The following AKAP7 variants were observed in gnomAD, a reference collection of about 807,000 sequenced individuals.
AKAP7 encodes the protein A-kinase anchoring protein 7.
In AKAP7, 39 loss-of-function variants were observed where a neutral mutation model predicts 39.5. That is an observed-to-expected ratio of 0.99 (90% CI 0.76 to 1.29). The LOEUF is 1.29. Ranked by LOEUF, AKAP7 falls within the 50% of genes most tolerant of loss-of-function variation. The probability of loss-of-function intolerance (pLI) is 0.00; values close to 1 mark genes in which losing one functional copy is unlikely to be tolerated. For synonymous variants in AKAP7, 140 were observed against 139.1 expected, an observed-to-expected ratio of 1.01 and a Z score of -0.05; for missense variants, 414 against 407.7, an observed-to-expected ratio of 1.02 and a Z score of -0.13.
intron 7 of AKAP7, among the ~76,000 whole-genome samples, chr6:131,241,144 A>G (rs1411307447): frequency 3.9e-5 from 6 of 152,216 alleles, no homozygotes; most frequent in African/African-American, 1.4e-4. Context: ...TGTATTTAAG[A>G]AAAGACACTC....
chr6:131,196,120 G>A (rs1806902328), intron 5 of AKAP7, among the ~76,000 whole-genome samples: 1 of 151,908 alleles, frequency 6.6e-6, no homozygotes, highest in African/African-American at 2.4e-5. Context: ...TCTTGTAGGT[G>A]GGCTTCATTG....
At chr6:131,270,428 T>C (rs1814172957) in intron 7 of AKAP7, among the ~76,000 whole-genome samples, 1 of 152,222 alleles carries the variant, frequency 6.6e-6, no homozygotes, top group Admixed American at 6.5e-5. Flanking sequence ...TACTAATCCA[T>C]TGCATGGATT....
At chr6:131,207,222 G>T (rs533869900) in intron 6 of AKAP7, among the ~76,000 whole-genome samples, 1 of 151,984 alleles carries the variant, frequency 6.6e-6, no homozygotes, top group East Asian at 1.9e-4. Context: ...TTCAAGTACT[G>T]ATAGGAAGAT....
chr6:131,267,389 C>T (rs148599637), intron 7 of AKAP7, among the ~76,000 whole-genome samples: 4 of 152,138 alleles, frequency 2.6e-5, no homozygotes, highest in African/African-American at 4.8e-5. Flanking sequence ...TTCTGAAAGT[C>T]GAATTTTCTT....
chr6:131,249,360 C>G (rs1005541239), intron 7 of AKAP7, among the ~76,000 whole-genome samples: 1 of 151,824 alleles, frequency 6.6e-6, no homozygotes, highest in Non-Finnish European at 1.5e-5. Context: ...TTTTTTAATG[C>G]GACAAATATA....
the AKAP7 span, among the ~76,000 whole-genome samples, chr6:131,130,336 T>G: frequency 2.0e-5 from 3 of 152,276 alleles, no homozygotes; most frequent in South Asian, 6.2e-4. Flanking sequence ...GGAGTTTCAC[T>G]CTTGTTGCCC....
intron 6 of AKAP7, among the ~76,000 whole-genome samples, chr6:131,208,764 T>C (rs1808364430): frequency 1.3e-5 from 2 of 152,296 alleles, no homozygotes; most frequent in South Asian, 2.1e-4. Flanking sequence ...TTTCCCCCCA[T>C]GTTAATGGAT....
chr6:131,166,417 C>G (rs1046408056), intron 4 of AKAP7, among the ~76,000 whole-genome samples: 2 of 152,142 alleles, frequency 1.3e-5, no homozygotes, highest in Non-Finnish European at 2.9e-5. Context: ...CCAATAGGAG[C>G]GTATCTATGT....
chr6:131,207,490 A>ATTTTTTTTTTTTTTT (rs1562213736), intron 6 of AKAP7, among the ~76,000 whole-genome samples: 1 of 80,892 alleles, frequency 1.2e-5, no homozygotes, highest in East Asian at 2.8e-4. Context: ...GGCTAATTAA[A>ATTTTTTTTTTTTTTT]ATTTTTTTTT....
chr6:131,191,564 T>G (rs1806404741), intron 5 of AKAP7, among the ~76,000 whole-genome samples: 2 of 152,154 alleles, frequency 1.3e-5, no homozygotes, highest in African/African-American at 4.8e-5. Context: ...AAGGAAAATA[T>G]GATCTTGGTC....
intron 5 of AKAP7, among the ~76,000 whole-genome samples, chr6:131,186,185 A>G: frequency 6.6e-6 from 1 of 152,088 alleles, no homozygotes; most frequent in East Asian, 1.9e-4. Context: ...TCTTGGTACC[A>G]TCCTCATGCT....
At chr6:131,168,547 G>A (rs1364887765) in intron 4 of AKAP7, among the ~76,000 whole-genome samples, 1 of 152,170 alleles carries the variant, frequency 6.6e-6, no homozygotes, top group Non-Finnish European at 1.5e-5. Context: ...AATAGCTAAA[G>A]TATATATGGC....
intron 5 of AKAP7, among the ~76,000 whole-genome samples, chr6:131,180,219 A>C (rs570450028): frequency 6.6e-6 from 1 of 152,336 alleles, no homozygotes; most frequent in African/African-American, 2.4e-5. Flanking sequence ...GTTTTGGGAA[A>C]AGAGGTGTCC....
chr6:131,161,068 C>T (rs1255879742), intron 3 of AKAP7, among the ~76,000 whole-genome samples: 2 of 152,116 alleles, frequency 1.3e-5, no homozygotes, highest in African/African-American at 4.8e-5. Flanking sequence ...TTCCACATTG[C>T]CTTTCCCCTT....
intron 4 of AKAP7, among the ~76,000 whole-genome samples, chr6:131,165,562 C>G (rs1301568186): frequency 1.3e-5 from 2 of 152,002 alleles, no homozygotes; most frequent in East Asian, 1.9e-4. Flanking sequence ...TTGGGCAAAT[C>G]ATGTACTTTC....
intron 5 of AKAP7, among the ~76,000 whole-genome samples, chr6:131,195,266 T>G (rs181320625): frequency 6.6e-6 from 1 of 152,276 alleles, no homozygotes; most frequent in East Asian, 1.9e-4. Context: ...TTTAAAGTGA[T>G]GACAACTTAA....
Position 131,281,561 on chromosome 6 carries a change from T to C in AKAP7, c.882T>C (p.Ala294=). The C allele has an allele frequency of 1.2e-6, 2 of 1,611,862 alleles. No homozygotes were observed. The highest frequency in any genetic ancestry group is 2.2e-5 in the East Asian group (1 of 44,702). ...AGAACGGAGGGGAGCCCGATGACGCTGAACTAGTAAGGCTCAGTAAGAGGC... is the reference window on the plus strand; with the variant it reads ...AGAACGGAGGGGAGCCCGATGACGCCGAACTAGTAAGGCTCAGTAAGAGGC... ...GEKNGGEPDD[A]ELVRLSKRLV... is the part of the protein sequence containing the mutation. Residue 294 remains alanine (A), a synonymous_variant, in exon 8 of 8, where the codon GCT becomes GCC. Transcript: ENST00000431975. This position sits in a 1 kb window ranked among gnomAD's most constrained non-coding sequence, Gnocchi z 4.0.
chr6:131,183,386 C>A (rs1037344142), intron 5 of AKAP7, among the ~76,000 whole-genome samples: 9 of 152,124 alleles, frequency 5.9e-5, no homozygotes, highest in African/African-American at 1.7e-4. Flanking sequence ...ATACACAGGG[C>A]AGGTGGCAAG....
chr6:131,207,433 CCTCAGCCTCCTGA>C (rs1808214322), intron 6 of AKAP7, among the ~76,000 whole-genome samples: 1 of 149,744 alleles, frequency 6.7e-6, no homozygotes, highest in African/African-American at 2.5e-5. Context: ...GATCCTCCTG[CCTCAGCCTCCTGA>C]GTAGCTGGGA....
Sources: gnomAD v4.1 joint callset for allele counts (sites outside exome capture counted in the v4.1 genomes callset) on GRCh38, gnomAD v4.1.1 for gene constraint, Gnocchi (gnomAD v3.1) non-coding constraint, MANE v1.5 for transcripts, NCBI Gene and HGNC (gene_info 2026-07-23, HGNC 2026-07-21) for gene names.